Variants in LRFN5 observed in about 807,000 individuals in gnomAD.
The protein encoded by LRFN5 is leucine rich repeat and fibronectin type III domain containing 5, also known as leucine-rich repeat and fibronectin type-III domain-containing protein 5.
Under a neutral mutation model 45.6 loss-of-function variants are expected in LRFN5, and 24 were observed. The observed-to-expected ratio is 0.53, with a 90% CI of 0.38 to 0.74. LRFN5 has a LOEUF of 0.74. Among genes scored for constraint, LRFN5 ranks in the 30% least tolerant of loss-of-function variants. The probability of loss-of-function intolerance (pLI) is 0.00; values close to 1 mark genes in which losing one functional copy is unlikely to be tolerated. For synonymous variants in LRFN5, 340 were observed against 313.8 expected, an observed-to-expected ratio of 1.08 and a Z score of -0.88; for missense variants, 776 against 861.5, an observed-to-expected ratio of 0.90 and a Z score of 1.24.
chr14:41,844,890 T>A (rs1159259681), intron 2 of LRFN5, among the ~76,000 whole-genome samples: 1 of 152,150 alleles, frequency 6.6e-6, no homozygotes, highest in African/African-American at 2.4e-5. Context: ...ATATCAGATA[T>A]AATTAATTAT....
At chr14:41,838,229 A>G (rs150159779) in intron 2 of LRFN5, among the ~76,000 whole-genome samples, 2 of 152,264 alleles carry the variant, frequency 1.3e-5, no homozygotes, top group East Asian at 1.9e-4. Context: ...TTCTCCTTTG[A>G]TGATCCTTCA....
At chr14:41,613,969 T>C (rs1887846997) in intron 1 of LRFN5, among the ~76,000 whole-genome samples, 1 of 152,062 alleles carries the variant, frequency 6.6e-6, no homozygotes, top group African/African-American at 2.4e-5. Flanking sequence ...ATTTTAGTGG[T>C]ATTACCTCCC....
In LRFN5 at chr14:41,792,882, T is replaced by A. The variant is rs1054893264; in HGVS notation, c.-21+25853T>A. ...GATTAAAGACAGGCATAACAAATTA[T>A]AAAAGTATTACTTGGTTTTTTGTTT... is the stretch of plus-strand genomic sequence containing the variant. On this transcript the variant is annotated intron_variant, in intron 2 of 5. Transcript: ENST00000298119. Among the ~76,000 whole-genome samples the A allele has an allele frequency of 7.3e-5, 11 of 151,612 alleles. No homozygotes were observed. In the Admixed American group the frequency reaches 7.3e-4, roughly 10 times the overall value.
intron 1 of LRFN5, among the ~76,000 whole-genome samples, chr14:41,759,659 C>T (rs1434292807): frequency 1.3e-5 from 2 of 152,116 alleles, no homozygotes; most frequent in Non-Finnish European, 2.9e-5. Context: ...AAAATGTAAT[C>T]TCTGTGCTTT....
intron 1 of LRFN5, among the ~76,000 whole-genome samples, chr14:41,706,261 T>G (rs1367823098): frequency 1.3e-5 from 2 of 151,962 alleles, no homozygotes; most frequent in African/African-American, 4.8e-5. Flanking sequence ...CCATCACGAC[T>G]GGCTAATTTT....
chr14:41,671,604 ATTTTTTTTTTTCGTTTTT>A (rs948162902), intron 1 of LRFN5, among the ~76,000 whole-genome samples: 1 of 91,078 alleles, frequency 1.1e-5, no homozygotes, highest in Non-Finnish European at 2.0e-5. Context: ...TGGAGGAGAG[ATTTTTTTTTTTCGTTTTT>A]TTTTTTTTTT....
intron 1 of LRFN5, among the ~76,000 whole-genome samples, chr14:41,672,494 A>T (rs1023396815): frequency 3.3e-5 from 5 of 152,178 alleles, no homozygotes; most frequent in African/African-American, 1.2e-4. Flanking sequence ...AGTAGTGATG[A>T]TGTTTTTAGT....
intron 1 of LRFN5, among the ~76,000 whole-genome samples, chr14:41,658,109 A>C (rs1880464192): frequency 6.6e-6 from 1 of 152,008 alleles, no homozygotes; most frequent in South Asian, 2.1e-4. Context: ...TTTGAAGGTC[A>C]CATGCTGATA....
At chr14:41,853,345 G>A (rs754138448) in intron 2 of LRFN5, among the ~76,000 whole-genome samples, 5 of 151,924 alleles carry the variant, frequency 3.3e-5, no homozygotes, top group Non-Finnish European at 5.9e-5. Context: ...CAGGTAGTGG[G>A]AAATTAAGCA....
intron 1 of LRFN5, among the ~76,000 whole-genome samples, chr14:41,629,715 G>A (rs1343751953): frequency 6.6e-6 from 1 of 152,118 alleles, no homozygotes; most frequent in African/African-American, 2.4e-5. Context: ...TTGGAAGGAG[G>A]CATTCCCAGT....
intron 2 of LRFN5, among the ~76,000 whole-genome samples, chr14:41,783,966 T>C (rs1409686615): frequency 4.6e-5 from 7 of 152,144 alleles, no homozygotes; most frequent in Non-Finnish European, 2.9e-5. Flanking sequence ...GAATATACTC[T>C]TAATGCTGCT....
intron 2 of LRFN5, among the ~76,000 whole-genome samples, chr14:41,804,097 C>T (rs1483961470): frequency 1.3e-5 from 2 of 152,140 alleles, no homozygotes; most frequent in East Asian, 3.9e-4. Context: ...CTCCTGACCT[C>T]AAGTGATCCG....
chr14:41,781,616 G>GAAAGAAAGAAAGAAAGAGAA (rs1317274535), intron 2 of LRFN5, among the ~76,000 whole-genome samples: 1 of 59,638 alleles, frequency 1.7e-5, no homozygotes, highest in Non-Finnish European at 3.2e-5. Flanking sequence ...AAGAAAGAAA[G>GAAAGAAAGAAAGAAAGAGAA]AGAAAGAAAG....
At chr14:41,852,829 T>C (rs1030890265) in intron 2 of LRFN5, among the ~76,000 whole-genome samples, 2 of 152,022 alleles carry the variant, frequency 1.3e-5, no homozygotes, top group African/African-American at 2.4e-5. Context: ...CAATGAAATG[T>C]CACATTGTGA....
intron 1 of LRFN5, among the ~76,000 whole-genome samples, chr14:41,651,996 G>A (rs1423322410): frequency 7.3e-6 from 1 of 137,408 alleles, no homozygotes; most frequent in Non-Finnish European, 1.7e-5. Flanking sequence ...ATCCATTCTA[G>A]TGACTTCATT....
chr14:41,854,737 G>A (rs372510615), intron 2 of LRFN5, among the ~76,000 whole-genome samples: 6 of 152,146 alleles, frequency 3.9e-5, no homozygotes, highest in African/African-American at 1.4e-4. Context: ...ATGTGAAGAT[G>A]AGGAGCTCCC....
Position 41,904,171 on chromosome 14 carries a change from T to C in LRFN5, c.2156T>C (p.Ile719Thr), listed in dbSNP as rs770690048. The change falls in exon 6 of 6, where the codon ATC becomes ACC. Residue 719 changes from isoleucine to threonine, a missense_variant. Coordinates refer to ENST00000298119, the MANE Select transcript of LRFN5 (RefSeq NM_152447.5). ...IVQETQRLEL[I>T] ...CTTTCATTTCAGAGGCTGGAGTTAA[T>C]CTGAAGAGCACCACTTCTCCTCTCT... 1.9e-6 allele frequency: 3 copies of C among 1,607,866 alleles called. No individual in the cohort carries two copies. The highest frequency in any genetic ancestry group is 2.5e-6 in the Non-Finnish European group (3 of 1,178,182).
intron 1 of LRFN5, among the ~76,000 whole-genome samples, chr14:41,720,561 C>T (rs2138768530): frequency 6.6e-6 from 1 of 152,088 alleles, no homozygotes; most frequent in Non-Finnish European, 1.5e-5. Flanking sequence ...ACTGTATCTC[C>T]TATATTTTGG....
chr14:41,815,761 T>TATAA (rs750312531), intron 2 of LRFN5, among the ~76,000 whole-genome samples: 2,908 of 151,556 alleles, frequency 0.019, 24 homozygotes, highest in African/African-American at 0.021. Context: ...TAAAAATAAA[T>TATAA]ATAAATAAAT....
Sources: allele counts gnomAD v4.1 joint callset (sites outside exome capture counted in the v4.1 genomes callset), GRCh38; gene constraint gnomAD v4.1.1; transcripts MANE v1.5; gene names NCBI Gene and HGNC (gene_info 2026-07-23, HGNC 2026-07-21).